The following AGL variants were observed in gnomAD, a reference collection of about 807,000 sequenced individuals.
AGL encodes glycogen debranching enzyme.
In AGL, 128 loss-of-function variants were observed where a neutral mutation model predicts 199.3. The observed-to-expected ratio is 0.64, with a 90% CI of 0.56 to 0.74. The LOEUF is 0.74. Ranked by LOEUF, AGL falls within the 30% of genes least tolerant of loss-of-function variation. AGL has a pLI of 0.00. For synonymous variants in AGL, 584 were observed against 594.7 expected (o/e 0.98, Z 0.26); for missense variants, 1,809 against 1,820.8 (o/e 0.99, Z 0.12).
intron 26 of AGL, 34 bp downstream of exon 26, chr1:99,900,895 T>TG: frequency 6.6e-7 from 1 of 1,520,598 alleles, no homozygotes; most frequent in Non-Finnish European, 9.0e-7. Context: ...TTTTTGTTTT[T>TG]TTTTTTTTTT....
chr1:99,871,698 A>C (rs1272308402), intron 7 of AGL, among the ~76,000 whole-genome samples: 1 of 152,132 alleles, frequency 6.6e-6, no homozygotes, highest in Non-Finnish European at 1.5e-5. Context: ...GTAACACCTT[A>C]ATACAGGAAT....
intron 25 of AGL, among the ~76,000 whole-genome samples, chr1:99,897,914 C>T (rs564410785): frequency 1.3e-5 from 2 of 152,292 alleles, no homozygotes; most frequent in South Asian, 4.1e-4. Flanking sequence ...AATGTTTAGG[C>T]TCCCAATTAT....
intron 20 of AGL, among the ~76,000 whole-genome samples, chr1:99,887,211 A>G (rs1332412373): frequency 6.6e-6 from 1 of 152,254 alleles, no homozygotes; most frequent in Non-Finnish European, 1.5e-5. Flanking sequence ...GCAGTCATGT[A>G]AAATGAAATT....
rs969685272 is a variant in AGL, at chr1:99,891,087, A to G, written c.2813-133A>G. 49 of 1,040,648 alleles carry G rather than the reference A, an allele frequency of 4.7e-5. 2 individuals carry two copies. In the Admixed American group the frequency reaches 9.1e-4, roughly 19 times the overall value. The allele number at this position is 1,040,648 out of a possible 1,614,324, so 64.5% of individuals were successfully genotyped here. The stretch of plus-strand genomic sequence containing the variant: ...TATTAAGCAGTGTTGTGGACTGGGT[A>G]GCCCTTGTGTGTGCCTCTAATACGT... On this transcript the variant is annotated intron_variant, in intron 21 of 33. Transcript: ENST00000361915.
intron 2 of AGL, chr1:99,852,442 T>G: frequency 1.9e-6 from 1 of 518,196 alleles, no homozygotes; most frequent in Admixed American, 3.3e-5. Flanking sequence ...TGATCATGGC[T>G]CAGTGCTGCC....
chr1:99,895,285 C>G (rs555066033), intron 24 of AGL, among the ~76,000 whole-genome samples: 1 of 152,072 alleles, frequency 6.6e-6, no homozygotes, highest in African/African-American at 2.4e-5. Flanking sequence ...CCTGACCTTA[C>G]TGTTTTATAA....
intron 5 of AGL, among the ~76,000 whole-genome samples, chr1:99,865,902 A>G (rs139659645): frequency 2.0e-5 from 3 of 152,364 alleles, no homozygotes; most frequent in African/African-American, 7.2e-5. Flanking sequence ...GCATGTACCT[A>G]GAAACCAAGC....
chr1:99,877,187 T>C (rs541124131), intron 11 of AGL, among the ~76,000 whole-genome samples: 2 of 152,296 alleles, frequency 1.3e-5, no homozygotes, highest in South Asian at 2.1e-4. Context: ...TTTTTAAGAG[T>C]ATAAATTTGG....
intron 21 of AGL, among the ~76,000 whole-genome samples, chr1:99,890,641 GAA>G (rs142036034): frequency 0.039 from 4,096 of 105,896 alleles, 87 homozygotes; most frequent in Middle Eastern, 0.12. Flanking sequence ...GAAGGATTAA[GAA>G]AAAAAAAATA....
chr1:99,857,855 A>ACCGTGGG (rs1649692498), intron 2 of AGL, among the ~76,000 whole-genome samples: 1 of 20,024 alleles, frequency 5.0e-5, no homozygotes, highest in Non-Finnish European at 9.5e-5. Context: ...GGAGGGGGGA[A>ACCGTGGG]GAGGGAGAGG....
chr1:99,884,173 C>G lies in AGL; in HGVS notation c.2362C>G (p.Pro788Ala). The G allele has an allele frequency of 6.2e-7, 1 of 1,612,722 alleles. No individual in the cohort carries two copies. Among genetic ancestry groups the G allele is most frequent in the Non-Finnish European group, 8.5e-7 (1 of 1,179,014 alleles). The change falls in exon 18 of 34, where the codon CCT becomes GCT. Residue 788 changes from proline to alanine, a missense_variant. Coordinates refer to ENST00000361915, the MANE Select transcript of AGL (RefSeq NM_000642.3). ...EARTIERNTK[P>A]YRKDENSING... is the part of the protein sequence containing the mutation. ...TAGAACTATTGAGAGAAACACGAAA[C>G]CTTATAGGAAGGATGAGAATTCAAT... is the stretch of plus-strand genomic sequence containing the variant.
At chr1:99,886,357 T>G (rs981164210) in intron 20 of AGL, among the ~76,000 whole-genome samples, 4 of 152,046 alleles carry the variant, frequency 2.6e-5, no homozygotes, top group African/African-American at 4.8e-5. Flanking sequence ...CATGCACCTG[T>G]GGTCACAGCT....
intron 33 of AGL, among the ~76,000 whole-genome samples, chr1:99,917,604 CTGTT>C (rs929881168): frequency 2.0e-5 from 3 of 152,118 alleles, no homozygotes; most frequent in East Asian, 1.9e-4. Flanking sequence ...TTTATTCTGT[CTGTT>C]CTTTGTTAGC....
chr1:99,876,941 T>C (rs890123633), intron 11 of AGL, among the ~76,000 whole-genome samples: 6 of 152,206 alleles, frequency 3.9e-5, no homozygotes, highest in Non-Finnish European at 7.4e-5. Flanking sequence ...TACAATTACA[T>C]TGACATAAGA....
rs1376192015 is a variant in AGL at position 99,901,408 on chromosome 1, G to A, written c.3588+547G>A. The stretch of plus-strand genomic sequence containing the variant: ...AAAAAAAAAAAAAAAAAAAAAAAGA[G>A]GAAAGGAATAATAGGGTTGCATAGT... On this transcript the variant is annotated intron_variant, in intron 26 of 33. Transcript: ENST00000361915. 5.6e-5 allele frequency among the ~76,000 whole-genome samples: 8 copies of A among 144,084 alleles called. No individual in the cohort carries two copies. In the East Asian group the frequency reaches 1.2e-3, roughly 22 times the overall value. 94.5% of individuals were successfully genotyped at this position (144,084 alleles called of 152,430 possible).
At chr1:99,878,744 T>C (rs1181270337) in intron 12 of AGL, among the ~76,000 whole-genome samples, 1 of 152,118 alleles carries the variant, frequency 6.6e-6, no homozygotes, top group Non-Finnish European at 1.5e-5. Context: ...ATAATATATA[T>C]TTCAAGTCCT....
At chr1:99,899,412 ATAG>A (rs1282986558) in intron 25 of AGL, among the ~76,000 whole-genome samples, 2 of 152,240 alleles carry the variant, frequency 1.3e-5, no homozygotes, top group African/African-American at 4.8e-5. Context: ...TTGGTATATA[ATAG>A]TAAAATAATG....
At chr1:99,870,216 C>T (rs772998758) in intron 5 of AGL, among the ~76,000 whole-genome samples, 184 bp from the exon 6 acceptor site, 2 of 151,728 alleles carry the variant, frequency 1.3e-5, no homozygotes, top group Non-Finnish European at 2.9e-5. Flanking sequence ...TATGCTGAAG[C>T]GAATGATAGG....
intron 2 of AGL, among the ~76,000 whole-genome samples, chr1:99,857,422 G>T (rs1342411647): frequency 6.6e-6 from 1 of 152,178 alleles, no homozygotes; most frequent in African/African-American, 2.4e-5. Context: ...CGGCCGGGCA[G>T]AGGCTGCAGT....
Sources: allele counts gnomAD v4.1 joint callset (sites outside exome capture counted in the v4.1 genomes callset), GRCh38; gene constraint gnomAD v4.1.1; transcripts MANE v1.5; gene names NCBI Gene and HGNC (gene_info 2026-07-23, HGNC 2026-07-21).